Variants in DLGAP2 observed in about 807,000 individuals in gnomAD.
DLGAP2 encodes the protein DLG associated protein 2, also known as disks large-associated protein 2.
DLGAP2 carries 26 observed loss-of-function variants against 100.3 expected under a neutral mutation model. That is an observed-to-expected ratio of 0.26 (90% CI 0.19 to 0.36). The LOEUF is 0.36. Among genes scored for constraint, DLGAP2 ranks in the 10% least tolerant of loss-of-function variants. The probability of loss-of-function intolerance (pLI) is 1.00; values close to 1 mark genes in which losing one functional copy is unlikely to be tolerated. For missense variants in DLGAP2, 1,858 were observed against 1,453.2 expected (o/e 1.28, Z -4.53); for synonymous variants, 886 against 630.1 (o/e 1.41, Z -6.08).
At chr8:1,186,748 C>A (rs1234546522) in intron 2 of DLGAP2, among the ~76,000 whole-genome samples, 1 of 152,124 alleles carries the variant, frequency 6.6e-6, no homozygotes, top group Non-Finnish European at 1.5e-5. Flanking sequence ...ACGTCGTCGC[C>A]TCCCCTGGCT....
chr8:789,747 T>C (rs1036075640), intron 1 of DLGAP2, among the ~76,000 whole-genome samples: 7 of 152,190 alleles, frequency 4.6e-5, no homozygotes, highest in Non-Finnish European at 1.5e-5. Context: ...CAAAGTTAAA[T>C]CAAACACAGG....
intron 2 of DLGAP2, among the ~76,000 whole-genome samples, chr8:987,249 G>C (rs933388788): frequency 2.0e-5 from 3 of 152,184 alleles, no homozygotes; most frequent in Admixed American, 6.5e-5. Flanking sequence ...AGCCTGGGCA[G>C]AGATGGTCAG....
At chr8:1,304,722 C>T (rs759306640) in intron 3 of DLGAP2, among the ~76,000 whole-genome samples, 1 of 152,146 alleles carries the variant, frequency 6.6e-6, no homozygotes, top group Admixed American at 6.5e-5. Context: ...CAAAAGCAAG[C>T]AGGGTAATTT....
chr8:900,941 A>G lies in DLGAP2; in HGVS notation c.19-6971A>G, dbSNP rs554924923. Among the ~76,000 whole-genome samples, 6 of 152,220 alleles carry G rather than the reference A, an allele frequency of 3.9e-5. No individual in the cohort carries two copies. In the South Asian group the frequency reaches 8.3e-4, roughly 21 times the overall value. On this transcript the variant is annotated intron_variant, in intron 1 of 14. Coordinates refer to ENST00000637795, the MANE Select transcript of DLGAP2 (RefSeq NM_001346810.2). ...AGAGAAGAAGTATTTTGAACTTCCA[A>G]AAGTGGAAGGATATGAGTTTTTATT... is the stretch of plus-strand genomic sequence containing the variant.
chr8:960,197 A>G (rs991420775), intron 2 of DLGAP2, among the ~76,000 whole-genome samples: 3 of 139,162 alleles, frequency 2.2e-5, no homozygotes, highest in Non-Finnish European at 4.6e-5. Context: ...ATCTTTAAAA[A>G]TTTATTTCCA....
chr8:1,444,918 G>A (rs775185201), intron 3 of DLGAP2, among the ~76,000 whole-genome samples: 42 of 151,072 alleles, frequency 2.8e-4, no homozygotes, highest in African/African-American at 3.9e-4. Context: ...GATTATAGGC[G>A]TGTGCCCCAT....
chr8:1,372,728 C>G (rs1025389264), intron 3 of DLGAP2, among the ~76,000 whole-genome samples: 1 of 152,194 alleles, frequency 6.6e-6, no homozygotes, highest in Admixed American at 6.5e-5. Flanking sequence ...AGAGATAAAA[C>G]TGTGATATAT....
intron 1 of DLGAP2, among the ~76,000 whole-genome samples, chr8:860,612 T>C (rs887745596): frequency 6.6e-6 from 1 of 152,212 alleles, no homozygotes; most frequent in Non-Finnish European, 1.5e-5. Context: ...CCTTTTCCAA[T>C]CCCTAACCTG....
intron 2 of DLGAP2, among the ~76,000 whole-genome samples, chr8:979,727 C>T (rs746640506): frequency 6.6e-6 from 1 of 152,166 alleles, no homozygotes; most frequent in African/African-American, 2.4e-5. Context: ...TGTTTTCAGG[C>T]ACATGTGCCA....
At chr8:1,211,108 C>T (rs1798094501) in intron 2 of DLGAP2, among the ~76,000 whole-genome samples, 1 of 152,230 alleles carries the variant, frequency 6.6e-6, no homozygotes, top group African/African-American at 2.4e-5. Context: ...AGGACGTTTC[C>T]AAGCTTATTT....
chr8:1,593,160 A>G (rs1215971998), intron 6 of DLGAP2, among the ~76,000 whole-genome samples: 1 of 152,106 alleles, frequency 6.6e-6, no homozygotes, highest in African/African-American at 2.4e-5. Flanking sequence ...CCTTTACAAA[A>G]ATTTAGACAC....
chr8:1,273,132 A>G (rs1190806723), intron 3 of DLGAP2, among the ~76,000 whole-genome samples: 1 of 152,204 alleles, frequency 6.6e-6, no homozygotes, highest in African/African-American at 2.4e-5. Flanking sequence ...GTAGCTGTGG[A>G]TAGCTATGCA....
At chr8:1,143,722 G>C (rs976617219) in intron 2 of DLGAP2, among the ~76,000 whole-genome samples, 4 of 152,204 alleles carry the variant, frequency 2.6e-5, no homozygotes, top group African/African-American at 9.6e-5. Context: ...GTCACTGGGT[G>C]CCCTCACCTT....
intron 12 of DLGAP2, among the ~76,000 whole-genome samples, chr8:1,688,968 C>G (rs1187280286): frequency 6.6e-6 from 1 of 152,120 alleles, no homozygotes; most frequent in African/African-American, 2.4e-5. Flanking sequence ...GTTCTTTTTC[C>G]CGAAAGTCGG....
intron 2 of DLGAP2, among the ~76,000 whole-genome samples, chr8:924,018 G>A (rs1798765370): frequency 6.6e-6 from 1 of 152,168 alleles, no homozygotes; most frequent in African/African-American, 2.4e-5. Context: ...GAATTCCGTA[G>A]TTACTGATGA....
chr8:1,497,286 T>C (rs544149791), intron 3 of DLGAP2, among the ~76,000 whole-genome samples: 2 of 152,212 alleles, frequency 1.3e-5, no homozygotes, highest in African/African-American at 4.8e-5. Context: ...ACAGCACCGA[T>C]CAGCCTCACA....
At chr8:1,097,456 A>C (rs1338237760) in intron 2 of DLGAP2, among the ~76,000 whole-genome samples, 2 of 134,222 alleles carry the variant, frequency 1.5e-5, no homozygotes, top group African/African-American at 2.9e-5. Context: ...CCCTGTGCTC[A>C]GGAGAGTCAA....
chr8:1,012,537 C>G (rs914486955), intron 2 of DLGAP2, among the ~76,000 whole-genome samples: 3 of 137,746 alleles, frequency 2.2e-5, no homozygotes, highest in African/African-American at 8.1e-5. Flanking sequence ...ACCAGCCCCC[C>G]CACTTCAGCG....
chr8:1,122,395 G>A (rs1030596805), intron 2 of DLGAP2, among the ~76,000 whole-genome samples: 1 of 152,168 alleles, frequency 6.6e-6, no homozygotes, highest in Non-Finnish European at 1.5e-5. Flanking sequence ...TTACCAATGG[G>A]CTGTTTAAAT....
Sources: allele counts gnomAD v4.1 joint callset (sites outside exome capture counted in the v4.1 genomes callset), GRCh38; gene constraint gnomAD v4.1.1; transcripts MANE v1.5; gene names NCBI Gene and HGNC (gene_info 2026-07-23, HGNC 2026-07-21).